Variants in ERMARD observed in about 807,000 individuals in gnomAD.
ERMARD encodes endoplasmic reticulum membrane-associated RNA degradation protein.
In ERMARD, 71 loss-of-function variants were observed where a neutral mutation model predicts 83.9. The observed-to-expected ratio is 0.85, with a 90% CI of 0.70 to 1.03. The LOEUF is 1.03. Among genes scored for constraint, ERMARD ranks in the 50% least tolerant of loss-of-function variants. The pLI is 0.00. For missense variants in ERMARD, 838 were observed against 810.9 expected (o/e 1.03, Z -0.41); for synonymous variants, 284 against 298.6 (o/e 0.95, Z 0.50).
intron 13 of ERMARD, among the ~76,000 whole-genome samples, chr6:169,774,094 G>C (rs1793297017): frequency 6.6e-6 from 1 of 152,212 alleles, no homozygotes; most frequent in Non-Finnish European, 1.5e-5. Flanking sequence ...CCAGCACTTT[G>C]GGAGGCCGAG....
rs773626265 is a variant in ERMARD at position 169,768,170 on chromosome 6, T to C, written c.1058T>C (p.Met353Thr). 1 of 1,613,494 alleles carries C rather than the reference T, an allele frequency of 6.2e-7. No homozygotes were observed. Among genetic ancestry groups the C allele is most frequent in the East Asian group, 2.2e-5 (1 of 44,860 alleles). Reference protein sequence around the residue: ...QLPLFLGEPAMEFLWDFLNHQ... With the variant: ...QLPLFLGEPATEFLWDFLNHQ... Reference sequence around the variant, plus strand: ...CCTCTTTTCCTTGGAGAGCCTGCTATGGTAAGTATTAGGTATTTTCCAGGC... The same window carrying C: ...CCTCTTTTCCTTGGAGAGCCTGCTACGGTAAGTATTAGGTATTTTCCAGGC... Residue 353 changes from methionine (M) to threonine (T), a missense_variant and splice_region_variant, in exon 11 of 18, where the codon ATG becomes ACG. By Grantham distance (81) the Met-to-Thr change is moderately conservative. Transcript: ENST00000366773.
intron 5 of ERMARD, 21 bp from the exon 6 acceptor site, chr6:169,758,947 A>G (rs751030773): frequency 5.7e-6 from 9 of 1,590,652 alleles, no homozygotes; most frequent in Admixed American, 5.1e-5. Context: ...ATAATTAACT[A>G]TGTAATGATT....
intron 5 of ERMARD, among the ~76,000 whole-genome samples, chr6:169,758,021 A>C (rs1347290001): frequency 6.6e-6 from 1 of 152,250 alleles, no homozygotes; most frequent in Non-Finnish European, 1.5e-5. Context: ...AGTATTTCAC[A>C]AATTATTGGT....
intron 1 of ERMARD, chr6:169,752,068 T>G: frequency 9.4e-6 from 2 of 213,420 alleles, no homozygotes; most frequent in Middle Eastern, 1.5e-3. Context: ...GACAGTAAAT[T>G]TGTGTTCATC....
At chr6:169,754,275 G>T (rs1484312354) in intron 2 of ERMARD, among the ~76,000 whole-genome samples, 2 of 152,064 alleles carry the variant, frequency 1.3e-5, no homozygotes, top group Non-Finnish European at 2.9e-5. Context: ...AGGAGGCACA[G>T]AGGGGCTGGT....
chr6:169,767,815 A>AC (rs1165447572), intron 10 of ERMARD: 2 of 413,830 alleles, frequency 4.8e-6, no homozygotes, highest in African/African-American at 4.0e-5. Flanking sequence ...AAATGTACAC[A>AC]CCCCCACACC....
chr6:169,751,712 G>C (rs1489376515), intron 1 of ERMARD, 49 bp downstream of exon 1: 2 of 1,524,388 alleles, frequency 1.3e-6, no homozygotes, highest in South Asian at 1.2e-5. Context: ...GCAGGGAGTC[G>C]GCGCCAGGCT....
At chr6:169,753,010 C>T (rs1790336005) in intron 1 of ERMARD, 1 of 152,174 alleles carries the variant, frequency 6.6e-6, no homozygotes, top group African/African-American at 2.4e-5. Context: ...TGGCTTAGAA[C>T]TACATTTGTA....
chr6:169,773,190 T>A, intron 12 of ERMARD, 129 bp from the exon 13 acceptor site: 3 of 720,582 alleles, frequency 4.2e-6, no homozygotes, highest in Non-Finnish European at 4.6e-6. Flanking sequence ...AGCACTTGCT[T>A]TTCTAGCTGC....
intron 5 of ERMARD, among the ~76,000 whole-genome samples, chr6:169,757,389 A>G (rs1389581570): frequency 1.3e-5 from 2 of 152,176 alleles, no homozygotes; most frequent in African/African-American, 2.4e-5. Flanking sequence ...CACAGGGCCA[A>G]TGTGAAGCAT....
At chr6:169,771,264 T>G (rs1171400438) in intron 12 of ERMARD, 2 of 152,230 alleles carry the variant, frequency 1.3e-5, no homozygotes, top group East Asian at 3.9e-4. Flanking sequence ...TTTCTATTTT[T>G]AGTAGAGACG....
At chr6:169,763,201 A>G (rs1016869261) in intron 9 of ERMARD, among the ~76,000 whole-genome samples, 6 of 152,160 alleles carry the variant, frequency 3.9e-5, no homozygotes, top group Non-Finnish European at 5.9e-5. Flanking sequence ...AGATCTCGAA[A>G]TAATATGGCT....
intron 3 of ERMARD, 129 bp downstream of exon 3, chr6:169,755,551 T>TCTTACAACCCTC: frequency 8.5e-7 from 1 of 1,181,026 alleles, no homozygotes; most frequent in Non-Finnish European, 1.2e-6. Context: ...TTGAGGGTTG[T>TCTTACAACCCTC]AAGAGAACCC....
At chr6:169,774,950 G>T (rs1554239943) in intron 13 of ERMARD, among the ~76,000 whole-genome samples, 1 of 152,222 alleles carries the variant, frequency 6.6e-6, no homozygotes, top group Non-Finnish European at 1.5e-5. Flanking sequence ...CACCTGCTGT[G>T]TTCTGTTGGT....
chr6:169,753,761 C>T, intron 1 of ERMARD, 103 bp from the exon 2 acceptor site: 1 of 795,846 alleles, frequency 1.3e-6, no homozygotes, highest in East Asian at 2.8e-5. Flanking sequence ...TTAACAGCAA[C>T]TATACCTGAG....
At chr6:169,756,535 CT>C (rs1235160428) in intron 4 of ERMARD, 96 bp downstream of exon 4, 23 of 1,060,106 alleles carry the variant, frequency 2.2e-5, no homozygotes, top group African/African-American at 3.2e-5. Context: ...GATTATTTTC[CT>C]ATAAGATAAA....
Position 169,759,291 on chromosome 6 carries a change from G to A in ERMARD, c.605+226G>A, listed in dbSNP as rs12175945. Among the ~76,000 whole-genome samples, 3 of 152,276 alleles carry A rather than the reference G, an allele frequency of 2.0e-5. No homozygotes were observed. The East Asian group carries it at 5.8e-4, about 29-fold the overall frequency. ...GGCAATTCAGGGGTGACACCAGAAG[G>A]ATGTTATGCCATTCACGTCCTGGGT... is the stretch of plus-strand genomic sequence containing the variant. On this transcript the variant is annotated intron_variant, in intron 6 of 17. Transcript: ENST00000366773.
In ERMARD at chr6:169,781,343, A is replaced by T; in HGVS notation, c.1867A>T (p.Ile623Phe). The T allele has an allele frequency of 6.2e-7, 1 of 1,602,634 alleles. No homozygotes were observed. The highest frequency in any genetic ancestry group is 8.5e-7 in the Non-Finnish European group (1 of 1,177,448). The change falls in exon 18 of 18, where the codon ATC becomes TTC. Residue 623 changes from isoleucine (I) to phenylalanine (F), a missense_variant. By Grantham distance (21) the Ile-to-Phe change is conservative. Transcript: ENST00000366773. ...TTTTTTTTACAGGTTTGTAAAGTCG[A>T]TCTTGCAGTACACGGAGAACCTGGT... Reference protein sequence around the residue: ...YQQYLKFVKSILQYTENLVAY... With the variant: ...YQQYLKFVKSFLQYTENLVAY...
intron 3 of ERMARD, chr6:169,755,638 T>A (rs1790716842): frequency 1.8e-6 from 1 of 545,520 alleles, no homozygotes; most frequent in Admixed American, 3.6e-5. Flanking sequence ...TTGAATTCAT[T>A]ATCACAGGAT....
Sources: allele counts gnomAD v4.1 joint callset (sites outside exome capture counted in the v4.1 genomes callset), GRCh38; gene constraint gnomAD v4.1.1; transcripts MANE v1.5; gene names NCBI Gene and HGNC (gene_info 2026-07-23, HGNC 2026-07-21).